PPP3CA: variants seen among roughly 807,000 people sequenced by gnomAD.
PPP3CA encodes the protein protein phosphatase 3 catalytic subunit alpha.
PPP3CA carries 14 observed loss-of-function variants against 66.5 expected under a neutral mutation model. That is an observed-to-expected ratio of 0.21 (90% CI 0.14 to 0.33). PPP3CA has a LOEUF of 0.33. Among genes scored for constraint, PPP3CA ranks in the 10% least tolerant of loss-of-function variants. The probability of loss-of-function intolerance (pLI) is 1.00; values close to 1 mark genes in which losing one functional copy is unlikely to be tolerated. For missense variants in PPP3CA, 317 were observed against 639.5 expected (o/e 0.50, Z 5.44); for synonymous variants, 232 against 226.2 (o/e 1.03, Z -0.23).
Position 101,196,046 on chromosome 4 carries a change from C to T in PPP3CA, c.129G>A (p.Val43=), listed in dbSNP as rs1347504266. 1 of 1,613,956 alleles carries T rather than the reference C, an allele frequency of 6.2e-7. No homozygotes were observed. Among genetic ancestry groups the T allele is most frequent in the South Asian group, 1.1e-5 (1 of 91,070 alleles). The change falls in exon 2 of 14, where the codon GTG becomes GTA. Residue 43 remains valine (V), a synonymous_variant. Transcript: ENST00000394854. ...TCATAAGATGCGCCTTTAAGATATC[C>T]ACACGAGGTTTTCCATCATTATCAA... is the stretch of plus-strand genomic sequence containing the variant. The part of the protein sequence containing the change: ...EVFDNDGKPR[V]DILKAHLMKE...
At chr4:101,166,354 G>A (rs1413239145) in intron 2 of PPP3CA, among the ~76,000 whole-genome samples, 2 of 152,062 alleles carry the variant, frequency 1.3e-5, no homozygotes, top group Non-Finnish European at 2.9e-5. Context: ...GCAACGCACC[G>A]TTCCTCCAAC....
intron 1 of PPP3CA, among the ~76,000 whole-genome samples, chr4:101,267,712 C>T (rs1212112291): frequency 2.0e-5 from 3 of 152,032 alleles, no homozygotes; most frequent in Admixed American, 2.0e-4. Flanking sequence ...GCAATTTATA[C>T]TAGTAACAAA....
intron 2 of PPP3CA, among the ~76,000 whole-genome samples, chr4:101,169,062 T>C (rs1382954702): frequency 2.0e-5 from 3 of 152,130 alleles, no homozygotes; most frequent in Non-Finnish European, 4.4e-5. Context: ...AAACAGGAAA[T>C]TGAGACGCTC....
chr4:101,040,369 AAAG>A, intron 11 of PPP3CA, 110 bp downstream of exon 11: 1 of 754,156 alleles, frequency 1.3e-6, no homozygotes, highest in Non-Finnish European at 1.9e-6. Flanking sequence ...AAAAGGAAAA[AAAG>A]ACAAATATTC....
intron 6 of PPP3CA, among the ~76,000 whole-genome samples, chr4:101,090,939 T>C (rs1729906605): frequency 1.0e-5 from 1 of 99,938 alleles, no homozygotes; most frequent in East Asian, 2.4e-4. Context: ...TCTGTGTCTA[T>C]ATTATAATAT....
At chr4:101,046,058 T>C (rs1448243073) in intron 10 of PPP3CA, among the ~76,000 whole-genome samples, 1 of 152,168 alleles carries the variant, frequency 6.6e-6, no homozygotes, top group East Asian at 1.9e-4. Context: ...GCCCTGCCCT[T>C]CCTTTATGTA....
chr4:101,154,847 C>T (rs908578348), intron 2 of PPP3CA, among the ~76,000 whole-genome samples: 4 of 114,162 alleles, frequency 3.5e-5, no homozygotes, highest in Non-Finnish European at 4.9e-5. Context: ...GATGGAGTCT[C>T]ACTCTGTCAC....
chr4:101,059,991 T>C (rs780157194), intron 10 of PPP3CA, among the ~76,000 whole-genome samples: 1 of 152,132 alleles, frequency 6.6e-6, no homozygotes, highest in Non-Finnish European at 1.5e-5. Flanking sequence ...AAAAAGTCTG[T>C]ATGTGTTCAG....
chr4:101,289,709 T>G (rs1365214942), intron 1 of PPP3CA, among the ~76,000 whole-genome samples: 1 of 152,194 alleles, frequency 6.6e-6, no homozygotes, highest in Non-Finnish European at 1.5e-5. Flanking sequence ...TATGCATATA[T>G]GTGAGGTTGT....
chr4:101,335,694 T>A lies in PPP3CA; in HGVS notation c.58+11045A>T, dbSNP rs780475240. Among the ~76,000 whole-genome samples, 5 of 152,096 alleles carry A rather than the reference T, an allele frequency of 3.3e-5. No homozygotes were observed. The East Asian group carries it at 9.7e-4, about 29-fold the overall frequency. Reference sequence around the variant, plus strand: ...AATCCTCACCCTCCCAAAGGGTATCTCGGGATGCTAAACTGGGCCCACCTA... The same window carrying A: ...AATCCTCACCCTCCCAAAGGGTATCACGGGATGCTAAACTGGGCCCACCTA... On this transcript the variant is annotated intron_variant, in intron 1 of 13. Transcript: ENST00000394854.
chr4:101,032,391 T>TAAC (rs1427819252), intron 11 of PPP3CA, 27 bp from the exon 12 acceptor site: 7 of 1,559,288 alleles, frequency 4.5e-6, no homozygotes, highest in African/African-American at 1.4e-5. Context: ...GGGGCGACAT[T>TAAC]AACTTTTAAT....
Position 101,124,725 on chromosome 4 carries a change from GAGAAAGAAAGAAAGAAAGAA to G in PPP3CA, c.260-15667_260-15648del, listed in dbSNP as rs756619477. 9.4e-3 allele frequency among the ~76,000 whole-genome samples: 550 copies of G among 58,602 alleles called. 10 individuals carry two copies. Among genetic ancestry groups the G allele is most frequent in the African/African-American group, 0.017 (304 of 17,372 alleles). The allele number at this position is 58,602 out of a possible 152,430, so 38.4% of individuals were successfully genotyped here. On this transcript the variant is annotated intron_variant, in intron 2 of 13. Transcript: ENST00000394854. ...AGAAAGAAAGAAAGAAAGAAAGAAA[GAGAAAGAAAGAAAGAAAGAA>G]AGAAAGAAAGAAAGAAAGAAAGAAA...
chr4:101,320,088 A>G (rs997221427), intron 1 of PPP3CA, among the ~76,000 whole-genome samples: 1 of 152,170 alleles, frequency 6.6e-6, no homozygotes, highest in East Asian at 1.9e-4. Context: ...CTCTAAAAAC[A>G]AAACAGTATC....
At chr4:101,302,536 T>G (rs1349355186) in intron 1 of PPP3CA, among the ~76,000 whole-genome samples, 1 of 152,196 alleles carries the variant, frequency 6.6e-6, no homozygotes, top group Non-Finnish European at 1.5e-5. Context: ...TACGGCACTT[T>G]TCTGTTTTTT....
intron 1 of PPP3CA, among the ~76,000 whole-genome samples, chr4:101,207,608 C>A (rs1725173794): frequency 6.6e-6 from 1 of 152,154 alleles, no homozygotes; most frequent in Non-Finnish European, 1.5e-5. Context: ...GGGCAGATCA[C>A]TTGAGGTCAG....
Position 101,346,905 on chromosome 4 carries a change from G to C in PPP3CA, c.-109C>G, listed in dbSNP as rs1437506923. The C allele has an allele frequency of 3.3e-6, 3 of 914,036 alleles. No homozygotes were observed. The highest frequency in any genetic ancestry group is 4.6e-6 in the Non-Finnish European group (3 of 650,456). 56.6% of individuals were successfully genotyped at this position (914,036 alleles called of 1,614,324 possible). ...CCGCCGCCGCCGCCGCCGCCGCCGC[G>C]CTGCAAACCGCTCGGCTGGAGGTCT... On this transcript the variant is annotated 5_prime_UTR_variant, in exon 1 of 14. Coordinates refer to ENST00000394854, the MANE Select transcript of PPP3CA (RefSeq NM_000944.5).
chr4:101,099,694 A>G lies in PPP3CA; in HGVS notation c.413T>C (p.Ile138Thr). Residue 138 changes from isoleucine to threonine, a missense_variant, in exon 4 of 14, where the codon ATT (isoleucine) becomes ACT (threonine). Around this residue, in one of 3 missense-constraint regions of PPP3CA, gnomAD observed 201 missense variants for 501.4 expected, o/e 0.40. Coordinates refer to ENST00000394854, the MANE Select transcript of PPP3CA (RefSeq NM_000944.5). ...TAAAAACAGTGTTTTGGGGTAGAGA[A>G]TTTTCAAGGCCCACAAATACAGCAC... ...ECVLYLWALK[I>T]LYPKTLFLLR... 6.3e-7 allele frequency: 1 copy of G among 1,586,964 alleles called. No homozygotes were observed. The highest frequency in any genetic ancestry group is 8.6e-7 in the Non-Finnish European group (1 of 1,165,640).
chr4:101,313,934 G>T (rs1728802947), intron 1 of PPP3CA, among the ~76,000 whole-genome samples: 1 of 152,198 alleles, frequency 6.6e-6, no homozygotes, highest in Non-Finnish European at 1.5e-5. Flanking sequence ...GGGGGGAACT[G>T]ATCCCAAAAG....
intron 2 of PPP3CA, among the ~76,000 whole-genome samples, chr4:101,151,943 A>C (rs934490874): frequency 2.0e-5 from 3 of 152,148 alleles, no homozygotes; most frequent in African/African-American, 7.2e-5. Flanking sequence ...GGCGTGAGCC[A>C]CTGCACCCAG....
Sources: gnomAD v4.1 joint callset for allele counts (sites outside exome capture counted in the v4.1 genomes callset) on GRCh38, gnomAD v4.1.1 for gene constraint, gnomAD v4.1.1 regional missense constraint, MANE v1.5 for transcripts, NCBI Gene and HGNC (gene_info 2026-07-23, HGNC 2026-07-21) for gene names.